The following CFAP20DC variants were observed in gnomAD, a reference collection of about 807,000 sequenced individuals.
CFAP20DC encodes protein CFAP20DC.
A neutral mutation model predicts 101.7 loss-of-function variants in CFAP20DC; 84 were observed. The ratio of observed to expected loss-of-function variants is 0.83; its 90% CI spans 0.69 to 0.99. The LOEUF (loss-of-function observed/expected upper bound fraction) is 0.99. Among genes scored for constraint, CFAP20DC ranks in the 50% least tolerant of loss-of-function variants. The pLI, the probability that CFAP20DC is intolerant of heterozygous loss-of-function variation, is 0.00. For synonymous variants in CFAP20DC, 359 were observed against 351.2 expected (o/e 1.02, Z -0.25); for missense variants, 1,007 against 970.3 (o/e 1.04, Z -0.50).
intron 14 of CFAP20DC, among the ~76,000 whole-genome samples, chr3:58,813,168 C>A (rs1408838599): frequency 9.2e-5 from 14 of 151,796 alleles, no homozygotes; most frequent in African/African-American, 3.2e-4. Context: ...AAAAATGATG[C>A]CAATACCTAA....
chr3:58,822,894 A>C (rs2075786401), intron 14 of CFAP20DC, among the ~76,000 whole-genome samples: 1 of 152,154 alleles, frequency 6.6e-6, no homozygotes. Flanking sequence ...GCAGGTCATA[A>C]GATACTCATT....
At chr3:58,983,873 G>A (rs1576593255) in intron 4 of CFAP20DC, among the ~76,000 whole-genome samples, 1 of 152,170 alleles carries the variant, frequency 6.6e-6, no homozygotes, top group Admixed American at 6.5e-5. Context: ...TGGCTAGTGA[G>A]TATCAGAACC....
At chr3:58,983,428 T>C (rs2092648818) in intron 4 of CFAP20DC, among the ~76,000 whole-genome samples, 1 of 152,206 alleles carries the variant, frequency 6.6e-6, no homozygotes, top group African/African-American at 2.4e-5. Flanking sequence ...AACATGTTTT[T>C]TTAAAGCACG....
chr3:58,936,077 GA>G (rs2087548041), intron 5 of CFAP20DC, among the ~76,000 whole-genome samples: 1 of 151,748 alleles, frequency 6.6e-6, no homozygotes, highest in Non-Finnish European at 1.5e-5. Context: ...AAATTTACAA[GA>G]AAAAAACAAA....
intron 4 of CFAP20DC, among the ~76,000 whole-genome samples, chr3:58,961,179 A>G (rs2091103307): frequency 6.6e-6 from 1 of 152,168 alleles, no homozygotes; most frequent in Non-Finnish European, 1.5e-5. Flanking sequence ...ATGTGTATTT[A>G]TGAAGAATAT....
At chr3:58,836,499 C>G (rs926570870) in intron 13 of CFAP20DC, among the ~76,000 whole-genome samples, 3 of 152,046 alleles carry the variant, frequency 2.0e-5, no homozygotes, top group Non-Finnish European at 2.9e-5. Context: ...GCTAAATCTA[C>G]AGTGGAGGTG....
rs117031344 is a variant in CFAP20DC, at chr3:58,953,773, T to C, written c.279-16011A>G. The C allele has an allele frequency of 5.3e-4, 80 of 152,314 alleles. 1 individual carries two copies. In the East Asian group the frequency reaches 9.3e-3, roughly 18 times the overall value. The allele number at this position is 152,314 out of a possible 1,614,324, so 9.4% of individuals were successfully genotyped here. The stretch of plus-strand genomic sequence containing the variant: ...AAGGAGGCTGCTTGTAAAACAGCTC[T>C]TCACTTGTAATACAGGCTTGATTTT... On this transcript the variant is annotated intron_variant, in intron 4 of 16. Transcript: ENST00000482387.
chr3:58,987,115 T>G (rs2092779211), intron 4 of CFAP20DC, among the ~76,000 whole-genome samples: 1 of 152,078 alleles, frequency 6.6e-6, no homozygotes, highest in Non-Finnish European at 1.5e-5. Context: ...TGAAAGAAAT[T>G]ACTCAGAATG....
Position 59,047,151 on chromosome 3 carries a change from T to C in CFAP20DC, c.111+14A>G. The C allele has an allele frequency of 6.7e-7, 1 of 1,498,996 alleles. No homozygotes were observed. Among genetic ancestry groups the C allele is most frequent in the Non-Finnish European group, 9.0e-7 (1 of 1,114,476 alleles). 92.9% of individuals were successfully genotyped at this position (1,498,996 alleles called of 1,614,324 possible). On this transcript the variant is annotated intron_variant, in intron 2 of 16. Coordinates refer to ENST00000482387, the MANE Select transcript of CFAP20DC (RefSeq NM_001394063.1). ...CTTCCCCTGATTTATGTGGCTCTAA[T>C]TTCTAATACTTACTTTCCAAATCAC...
intron 15 of CFAP20DC, among the ~76,000 whole-genome samples, chr3:58,785,882 G>A (rs1233253191): frequency 6.6e-6 from 1 of 152,178 alleles, no homozygotes; most frequent in East Asian, 1.9e-4. Flanking sequence ...AGACTTTTAG[G>A]AGCTCAGAGA....
Position 58,722,818 on chromosome 3 carries a change from A to C in CFAP20DC, c.198-5190T>G, listed in dbSNP as rs1416712813. Among the ~76,000 whole-genome samples the C allele has an allele frequency of 1.3e-5, 2 of 152,236 alleles. No individual in the cohort carries two copies. Among genetic ancestry groups the C allele is most frequent in the Non-Finnish European group, 2.9e-5 (2 of 68,046 alleles). On this transcript the variant is annotated intron_variant, in intron 3 of 3. Transcript: ENST00000486145. The surrounding 1 kb of genome is among the most constrained non-coding windows in gnomAD (Gnocchi z 4.5). ...CTCATCTTGCACTGCATTTGGATTC[A>C]GTGTCAGCAGAATATAGCAGCTGCC...
rs927416043 is a variant in CFAP20DC at position 58,820,936 on chromosome 3, C to G, written c.2175+10750G>C. 2.0e-5 allele frequency among the ~76,000 whole-genome samples: 3 copies of G among 150,444 alleles called. No homozygotes were observed. In the East Asian group the frequency reaches 6.0e-4, roughly 30 times the overall value. ...AACCAAAACAGCATGGTACTGGTAC[C>G]AAAACAGAGATATAGATCAATGGAA... On this transcript the variant is annotated intron_variant, in intron 14 of 16. Coordinates refer to ENST00000482387, the MANE Select transcript of CFAP20DC (RefSeq NM_001394063.1).
At chr3:58,841,872 TTTTG>T (rs1413481580) in intron 13 of CFAP20DC, among the ~76,000 whole-genome samples, 2 of 152,220 alleles carry the variant, frequency 1.3e-5, no homozygotes, top group South Asian at 2.1e-4. Flanking sequence ...TATATAAGTC[TTTTG>T]TTTGTTTGTT....
intron 4 of CFAP20DC, among the ~76,000 whole-genome samples, chr3:58,980,336 T>C (rs1032126281): frequency 6.6e-6 from 1 of 151,992 alleles, no homozygotes; most frequent in African/African-American, 2.4e-5. Flanking sequence ...AAAGAGGGAA[T>C]CCTCCCTAAC....
At chr3:58,840,438 T>G (rs1194945941) in intron 13 of CFAP20DC, among the ~76,000 whole-genome samples, 1 of 152,104 alleles carries the variant, frequency 6.6e-6, no homozygotes, top group East Asian at 1.9e-4. Flanking sequence ...ACACAGAGGG[T>G]GGTCTCCGGG....
chr3:58,998,349 T>C (rs993060271), intron 4 of CFAP20DC, among the ~76,000 whole-genome samples: 55 of 152,226 alleles, frequency 3.6e-4, no homozygotes, highest in Non-Finnish European at 5.7e-4. Flanking sequence ...AGCTATCCTC[T>C]GTAAGCCTAA....
chr3:58,983,484 G>C (rs1021281127), intron 4 of CFAP20DC, among the ~76,000 whole-genome samples: 5 of 152,058 alleles, frequency 3.3e-5, no homozygotes, highest in African/African-American at 1.2e-4. Context: ...TTATGGTTCA[G>C]TTTTATATAT....
chr3:58,750,965 C>CA (rs1294598894), intron 16 of CFAP20DC, among the ~76,000 whole-genome samples: 1 of 151,836 alleles, frequency 6.6e-6, no homozygotes, highest in East Asian at 1.9e-4. Context: ...CCAAATATAC[C>CA]AAAAAAATTG....
At chr3:58,791,247 A>G (rs2072824275) in intron 15 of CFAP20DC, among the ~76,000 whole-genome samples, 1 of 152,142 alleles carries the variant, frequency 6.6e-6, no homozygotes, top group Admixed American at 6.6e-5. Context: ...TACCAATACT[A>G]TCATCACTTT....
Sources: allele counts gnomAD v4.1 joint callset (sites outside exome capture counted in the v4.1 genomes callset), GRCh38; gene constraint gnomAD v4.1.1; non-coding constraint Gnocchi (gnomAD v3.1); transcripts MANE v1.5; gene names NCBI Gene and HGNC (gene_info 2026-07-23, HGNC 2026-07-21).